Variants in TIAM1 observed in about 807,000 individuals in gnomAD.
The protein encoded by TIAM1 is TIAM Rac1 associated GEF 1, also known as rho guanine nucleotide exchange factor TIAM1.
A neutral mutation model predicts 163.5 loss-of-function variants in TIAM1; 65 were observed. The ratio of observed to expected loss-of-function variants is 0.40; its 90% CI spans 0.33 to 0.49. The LOEUF is 0.49. Among genes scored for constraint, TIAM1 ranks in the 20% least tolerant of loss-of-function variants. The pLI, the probability that TIAM1 is intolerant of heterozygous loss-of-function variation, is 0.77. For synonymous variants in TIAM1, 833 were observed against 810.1 expected (o/e 1.03, Z -0.48); for missense variants, 1,789 against 2,044.7 (o/e 0.87, Z 2.41).
intron 2 of TIAM1, among the ~76,000 whole-genome samples, chr21:31,329,784 T>C (rs141720609): frequency 1.3e-4 from 20 of 152,298 alleles, no homozygotes; most frequent in Admixed American, 1.3e-4. Context: ...CTTCAAGAAG[T>C]ACTATAGGTC....
intron 1 of TIAM1, among the ~76,000 whole-genome samples, chr21:31,525,729 G>A (rs988108460): frequency 6.6e-6 from 1 of 151,974 alleles, no homozygotes; most frequent in Non-Finnish European, 1.5e-5. Flanking sequence ...ATGAGAGGGT[G>A]ACACATTAAT....
intron 1 of TIAM1, among the ~76,000 whole-genome samples, chr21:31,498,205 A>G (rs1039645147): frequency 6.6e-5 from 10 of 152,362 alleles, no homozygotes; most frequent in Admixed American, 4.6e-4. Flanking sequence ...AGATTCTTGG[A>G]TCTACGCAAG....
intron 2 of TIAM1, 103 bp downstream of exon 2, chr21:31,339,140 T>C (rs907637455): frequency 7.7e-6 from 3 of 391,652 alleles, no homozygotes; most frequent in South Asian, 2.9e-4. Context: ...AACAATGAAC[T>C]TTCTATTGTC....
chr21:31,366,450 C>T (rs1337863407), intron 2 of TIAM1, among the ~76,000 whole-genome samples: 1 of 152,166 alleles, frequency 6.6e-6, no homozygotes, highest in African/African-American at 2.4e-5. Flanking sequence ...GGGCAATGAA[C>T]ACACTCCTGG....
Position 31,119,590 on chromosome 21 carries a change from T to C in TIAM1, c.*778A>G, listed in dbSNP as rs1383307860. On this transcript the variant is annotated 3_prime_UTR_variant, in exon 28 of 28. Coordinates refer to ENST00000541036, the MANE Select transcript of TIAM1 (RefSeq NM_001353694.2). ...CTCTCTGTAAAAGGTTATATCCTCATTTTTTAGGCTCAGGGATACATACAC... is the reference window on the plus strand; with the variant it reads ...CTCTCTGTAAAAGGTTATATCCTCACTTTTTAGGCTCAGGGATACATACAC... 1 of 152,658 alleles carries C rather than the reference T, an allele frequency of 6.6e-6. No homozygotes were observed. Among genetic ancestry groups the C allele is most frequent in the Non-Finnish European group, 1.5e-5 (1 of 68,038 alleles). 9.5% of individuals were successfully genotyped at this position (152,658 alleles called of 1,614,324 possible).
intron 1 of TIAM1, among the ~76,000 whole-genome samples, chr21:31,491,924 T>C (rs2147422850): frequency 6.6e-6 from 1 of 152,284 alleles, no homozygotes; most frequent in South Asian, 2.1e-4. Flanking sequence ...GAAACAGACA[T>C]AAACAAAAGA....
intron 1 of TIAM1, among the ~76,000 whole-genome samples, chr21:31,518,491 T>C (rs2147488186): frequency 6.6e-6 from 1 of 152,174 alleles, no homozygotes; most frequent in East Asian, 1.9e-4. Flanking sequence ...TTCTCCATGT[T>C]GGTCAGGCTG....
At chr21:31,316,683 T>C (rs1233445477) in intron 2 of TIAM1, among the ~76,000 whole-genome samples, 3 of 152,196 alleles carry the variant, frequency 2.0e-5, no homozygotes, top group Non-Finnish European at 4.4e-5. Flanking sequence ...TACAGCAAAC[T>C]TCCTGGCCTC....
intron 15 of TIAM1, among the ~76,000 whole-genome samples, chr21:31,166,614 T>C (rs1332955014): frequency 6.6e-6 from 1 of 152,246 alleles, no homozygotes; most frequent in Non-Finnish European, 1.5e-5. Context: ...CTTTTGGCTC[T>C]GGCTCTTGGA....
At chr21:31,489,274 G>T (rs562227840) in intron 1 of TIAM1, among the ~76,000 whole-genome samples, 1 of 148,442 alleles carries the variant, frequency 6.7e-6, no homozygotes, top group South Asian at 2.2e-4. Flanking sequence ...GGAGGCTGAC[G>T]GAGGAGGATG....
chr21:31,428,146 T>C (rs1041952194), intron 2 of TIAM1, among the ~76,000 whole-genome samples: 1 of 151,900 alleles, frequency 6.6e-6, no homozygotes, highest in Non-Finnish European at 1.5e-5. Flanking sequence ...TTTCAGCTAC[T>C]TGGGAGGCTG....
intron 2 of TIAM1, among the ~76,000 whole-genome samples, chr21:31,315,167 T>C (rs1457494851): frequency 6.6e-6 from 1 of 151,996 alleles, no homozygotes; most frequent in African/African-American, 2.4e-5. Context: ...AGTCAAGAGT[T>C]GGAGACCAGA....
chr21:31,506,925 A>G (rs2047048498), intron 1 of TIAM1, among the ~76,000 whole-genome samples: 1 of 152,214 alleles, frequency 6.6e-6, no homozygotes, highest in Non-Finnish European at 1.5e-5. Flanking sequence ...TCAAACAAAC[A>G]AACAAAAAAC....
chr21:31,504,426 A>G (rs2046962470), intron 1 of TIAM1, among the ~76,000 whole-genome samples: 1 of 152,216 alleles, frequency 6.6e-6, no homozygotes, highest in Non-Finnish European at 1.5e-5. Flanking sequence ...CAAGTTCGCT[A>G]CCTGGCAATT....
Position 31,141,903 on chromosome 21 carries a change from G to A in TIAM1, c.3476-399C>T, listed in dbSNP as rs1218837679. On this transcript the variant is annotated intron_variant, in intron 20 of 27. Coordinates refer to ENST00000541036, the MANE Select transcript of TIAM1 (RefSeq NM_001353694.2). The surrounding 1 kb of genome is among the most constrained non-coding windows in gnomAD (Gnocchi z 4.7). Reference sequence around the variant, plus strand: ...AGTTCCTGGAGATAGTAAAAGACTTGCCAGGAAATGTGCCTTTTATAGAGT... The same window carrying A: ...AGTTCCTGGAGATAGTAAAAGACTTACCAGGAAATGTGCCTTTTATAGAGT... Among the ~76,000 whole-genome samples the A allele has an allele frequency of 2.6e-5, 4 of 152,154 alleles. No individual in the cohort carries two copies. Among genetic ancestry groups the A allele is most frequent in the Non-Finnish European group, 5.9e-5 (4 of 68,036 alleles).
intron 1 of TIAM1, among the ~76,000 whole-genome samples, chr21:31,477,035 T>C (rs1569365825): frequency 6.6e-6 from 1 of 152,152 alleles, no homozygotes; most frequent in Non-Finnish European, 1.5e-5. Flanking sequence ...CCTGACTTCC[T>C]TAGAGCACAT....
chr21:31,215,938 A>T (rs1171337974), intron 9 of TIAM1, among the ~76,000 whole-genome samples: 2 of 152,194 alleles, frequency 1.3e-5, no homozygotes, highest in Non-Finnish European at 2.9e-5. Flanking sequence ...AAGTGGGCAG[A>T]TCACTTGAGG....
intron 1 of TIAM1, among the ~76,000 whole-genome samples, chr21:31,506,444 A>C (rs900482854): frequency 2.6e-5 from 4 of 151,934 alleles, no homozygotes; most frequent in African/African-American, 9.7e-5. Context: ...CATCTTCCGA[A>C]CTCTTTCCAT....
intron 27 of TIAM1, among the ~76,000 whole-genome samples, chr21:31,123,279 T>A (rs908425237): frequency 1.3e-5 from 2 of 152,192 alleles, no homozygotes; most frequent in Non-Finnish European, 1.5e-5. Flanking sequence ...CAAACCTTTT[T>A]AAACATTTCC....
Sources: allele counts gnomAD v4.1 joint callset (sites outside exome capture counted in the v4.1 genomes callset), GRCh38; gene constraint gnomAD v4.1.1; non-coding constraint Gnocchi (gnomAD v3.1); transcripts MANE v1.5; gene names NCBI Gene and HGNC (gene_info 2026-07-23, HGNC 2026-07-21).